Variants in IGDCC4 observed in about 807,000 individuals in gnomAD.
The protein encoded by IGDCC4 is immunoglobulin superfamily DCC subclass member 4.
IGDCC4 carries 72 observed loss-of-function variants against 116.6 expected under a neutral mutation model. That is an observed-to-expected ratio of 0.62 (90% CI 0.51 to 0.75). IGDCC4 has a LOEUF of 0.75. IGDCC4 is among the 30% of genes least tolerant of loss of function. The pLI is 0.00. For synonymous variants in IGDCC4, 709 were observed against 719.9 expected (o/e 0.98, Z 0.24); for missense variants, 1,501 against 1,662.4 (o/e 0.90, Z 1.69).
At chr15:65,416,339 G>A (rs891747313) in intron 1 of IGDCC4, among the ~76,000 whole-genome samples, 2 of 151,652 alleles carry the variant, frequency 1.3e-5, no homozygotes, top group African/African-American at 2.4e-5. Context: ...GGGTTTCACC[G>A]TGTTAGCCAG....
rs1286088736 is a variant in IGDCC4, at chr15:65,385,341, C to T, written c.3181-226G>A. On this transcript the variant is annotated intron_variant, in intron 18 of 19. Transcript: ENST00000352385. ...GCAGAGGAGCGGAACACCAGACGCT[C>T]TGCAAAGCCCGCGGTGTCCGAGCCA... is the stretch of plus-strand genomic sequence containing the variant. The T allele has an allele frequency of 5.2e-6, 3 of 577,732 alleles. No homozygotes were observed. In the Admixed American group the frequency reaches 1.0e-4, roughly 20 times the overall value. The allele number at this position is 577,732 out of a possible 1,614,324, so 35.8% of individuals were successfully genotyped here.
At chr15:65,402,542 G>A (rs2062998752) in intron 3 of IGDCC4, 55 bp from the exon 4 acceptor site, 3 of 1,543,866 alleles carry the variant, frequency 1.9e-6, no homozygotes, top group Non-Finnish European at 2.6e-6. Flanking sequence ...CACAGGGAGG[G>A]TGGCTCATGG....
intron 3 of IGDCC4, among the ~76,000 whole-genome samples, chr15:65,408,835 T>A (rs1357047750): frequency 8.4e-6 from 1 of 119,682 alleles, no homozygotes; most frequent in African/African-American, 3.4e-5. Flanking sequence ...AGGATGTCTC[T>A]CTCTTTTTTT....
intron 6 of IGDCC4, chr15:65,396,417 C>G (rs2062928007): frequency 9.1e-6 from 6 of 657,948 alleles, no homozygotes; most frequent in African/African-American, 1.8e-5. Flanking sequence ...CTCAGCCTCC[C>G]CTAAATATTG....
rs1422348310 is a variant in IGDCC4 at position 65,382,518 on chromosome 15, A to AC, written c.*1490_*1491insG. ...GACATCATTAGGGAGTAAAGACCCT[A>AC]ACATTCTATGCTCCTATGAGAGGGC... On this transcript the variant is annotated 3_prime_UTR_variant, in exon 20 of 20. Coordinates refer to ENST00000352385, the MANE Select transcript of IGDCC4 (RefSeq NM_020962.3). 6.6e-6 allele frequency: 1 copy of AC among 152,620 alleles called. No individual in the cohort carries two copies. Among genetic ancestry groups the AC allele is most frequent in the Non-Finnish European group, 1.5e-5 (1 of 68,044 alleles). The allele number at this position is 152,620 out of a possible 1,614,324, so 9.5% of individuals were successfully genotyped here. A position where few individuals can be genotyped will look rare whatever the true frequency, so the allele number is the denominator to read the frequency against.
chr15:65,396,335 C>CCA, intron 6 of IGDCC4, 172 bp from the exon 7 acceptor site: 1 of 763,166 alleles, frequency 1.3e-6, no homozygotes. Context: ...CAGACCTACC[C>CCA]TTTCTTCTCC....
At chr15:65,414,300 C>T (rs1345398905) in intron 1 of IGDCC4, among the ~76,000 whole-genome samples, 1 of 152,316 alleles carries the variant, frequency 6.6e-6, no homozygotes, top group Middle Eastern at 3.4e-3. Flanking sequence ...CTGCTGGACA[C>T]CTCTGGCTTC....
intron 1 of IGDCC4, among the ~76,000 whole-genome samples, chr15:65,416,690 C>T (rs1355730089): frequency 1.3e-5 from 2 of 152,160 alleles, no homozygotes; most frequent in African/African-American, 2.4e-5. Flanking sequence ...CACTTGCTGC[C>T]CGCTGGCTTT....
chr15:65,402,603 T>G, intron 3 of IGDCC4, 116 bp from the exon 4 acceptor site: 1 of 1,341,556 alleles, frequency 7.5e-7, no homozygotes, highest in East Asian at 2.5e-5. Flanking sequence ...GCGCAGTGGC[T>G]CACGCCTATA....
rs1324342372 is a variant in IGDCC4, at chr15:65,411,061, AG to A, written c.379del (p.Leu127SerfsTer55). The A allele has an allele frequency of 6.2e-7, 1 of 1,613,734 alleles. No homozygotes were observed. The highest frequency in any genetic ancestry group is 1.7e-5 in the Admixed American group (1 of 59,984). Reference sequence around the variant, plus strand: ...AGCAGTCTGGCTGGCCAGCACTCCGAGGGGGCCGTGGGCTAGGCACGAATAG... The same window carrying A: ...AGCAGTCTGGCTGGCCAGCACTCCGAGGGGCCGTGGGCTAGGCACGAATAG... ...GNYSCLAHGP[L>X]GVLASQTAVV... On this transcript the variant is annotated frameshift_variant, in exon 2 of 20. Transcript: ENST00000352385. LOFTEE classifies it high-confidence loss of function.
intron 1 of IGDCC4, 63 bp from the exon 2 acceptor site, chr15:65,411,433 C>T (rs962016975): frequency 7.3e-7 from 1 of 1,378,448 alleles, no homozygotes; most frequent in African/African-American, 1.5e-5. Context: ...AGCCTCTGCT[C>T]CTGAGTCACC....
At chr15:65,397,869 C>T (rs1438531055) in intron 5 of IGDCC4, among the ~76,000 whole-genome samples, 4 of 152,168 alleles carry the variant, frequency 2.6e-5, no homozygotes, top group Non-Finnish European at 5.9e-5. Flanking sequence ...GTGAACAGAG[C>T]AGATCACTGC....
chr15:65,420,205 C>T (rs1204662531), intron 1 of IGDCC4, among the ~76,000 whole-genome samples: 1 of 152,174 alleles, frequency 6.6e-6, no homozygotes, highest in African/African-American at 2.4e-5. Flanking sequence ...CCTTGGCCTC[C>T]CAAAGTGCTG....
intron 1 of IGDCC4, among the ~76,000 whole-genome samples, chr15:65,420,156 A>G (rs1251826830): frequency 6.6e-6 from 1 of 152,172 alleles, no homozygotes; most frequent in Non-Finnish European, 1.5e-5. Context: ...CATGTTGGCC[A>G]GGCTGGTGTT....
intron 1 of IGDCC4, among the ~76,000 whole-genome samples, chr15:65,422,082 C>G (rs774415430): frequency 6.6e-6 from 1 of 152,024 alleles, no homozygotes; most frequent in Admixed American, 6.5e-5. Flanking sequence ...GACATGTCCA[C>G]GAAAGCAAAT....
At chr15:65,398,533 C>CAAAAAAAAAAAAA (rs3082803) in intron 5 of IGDCC4, among the ~76,000 whole-genome samples, 1 of 77,640 alleles carries the variant, frequency 1.3e-5, no homozygotes, top group African/African-American at 4.8e-5. Context: ...AACTCCATCT[C>CAAAAAAAAAAAAA]AAAAAAAAAA....
In IGDCC4 at chr15:65,399,949, T is replaced by C. The variant is rs2062968892; in HGVS notation, c.841+857A>G. ...AATGGAAATAAAAATAACCCTTGCT[T>C]TCTTTTTACAGGACTGTAGGAACTG... is the stretch of plus-strand genomic sequence containing the variant. On this transcript the variant is annotated intron_variant, in intron 5 of 19. Transcript: ENST00000352385. Among the ~76,000 whole-genome samples the C allele has an allele frequency of 2.0e-5, 3 of 152,192 alleles. No homozygotes were observed. The South Asian group carries it at 6.2e-4, about 32-fold the overall frequency.
chr15:65,384,122 G>C lies in IGDCC4; in HGVS notation c.3640C>G (p.Gln1214Glu). The change falls in exon 20 of 20, where the codon CAG becomes GAG. Residue 1214 changes from glutamine (Q) to glutamate (E), a missense_variant. Physicochemically the swap from Gln to Glu is conservative, Grantham distance 29. Transcript: ENST00000352385. The surrounding 1 kb of genome is among the most constrained non-coding windows in gnomAD (Gnocchi z 4.9). ...GTCTCCTCTAGCACCTCGCCTGGCT[G>C]GAGGTCCGGGTAGGAGCAGGAAGCA... ...ASASCSYPDL[Q>E]PGEVLEETPG... 6.2e-7 allele frequency: 1 copy of C among 1,613,412 alleles called. No individual in the cohort carries two copies. The highest frequency in any genetic ancestry group is 8.5e-7 in the Non-Finnish European group (1 of 1,179,758).
chr15:65,399,447 CAAAAAAAAAAAAA>C (rs112040935), intron 5 of IGDCC4, among the ~76,000 whole-genome samples: 7 of 71,168 alleles, frequency 9.8e-5, no homozygotes, highest in Admixed American at 3.1e-4. Flanking sequence ...GGGTGACAGG[CAAAAAAAAAAAAA>C]AAAAAAAAAA....
Sources: allele counts gnomAD v4.1 joint callset (sites outside exome capture counted in the v4.1 genomes callset), GRCh38; gene constraint gnomAD v4.1.1; non-coding constraint Gnocchi (gnomAD v3.1); transcripts MANE v1.5; gene names NCBI Gene and HGNC (gene_info 2026-07-23, HGNC 2026-07-21).